The following PHF2 variants were observed in gnomAD, a reference collection of about 807,000 sequenced individuals.
PHF2 encodes lysine-specific demethylase PHF2.
Under a neutral mutation model 120.5 loss-of-function variants are expected in PHF2, and 27 were observed. That is an observed-to-expected ratio of 0.22 (90% CI 0.17 to 0.31). The LOEUF is 0.31. Ranked by LOEUF, PHF2 falls within the 10% of genes least tolerant of loss-of-function variation. PHF2 has a pLI of 1.00. For missense variants in PHF2, 1,024 were observed against 1,434.8 expected, an observed-to-expected ratio of 0.71 and a Z score of 4.63; for synonymous variants, 568 against 592.5, an observed-to-expected ratio of 0.96 and a Z score of 0.60.
At chr9:93,666,441 AG>A (rs1826682958) in intron 16 of PHF2, among the ~76,000 whole-genome samples, 1 of 152,188 alleles carries the variant, frequency 6.6e-6, no homozygotes, top group South Asian at 2.1e-4. Context: ...GTCTTGTGTA[AG>A]GGTTCCTTTG....
At chr9:93,623,745 G>A (rs546935473) in intron 1 of PHF2, among the ~76,000 whole-genome samples, 71 of 152,188 alleles carry the variant, frequency 4.7e-4, no homozygotes, top group Admixed American at 9.2e-4. Context: ...TCTTTGGAGT[G>A]TGTGGACTTG....
At chr9:93,596,913 C>T (rs1825343954) in intron 1 of PHF2, among the ~76,000 whole-genome samples, 1 of 148,852 alleles carries the variant, frequency 6.7e-6, no homozygotes, top group South Asian at 2.2e-4. Context: ...CACGCGCCAG[C>T]ACGCCCAGCT....
At chr9:93,666,971 TA>T (rs1227118470) in intron 16 of PHF2, 108 bp from the exon 17 acceptor site, 1 of 605,994 alleles carries the variant, frequency 1.7e-6, no homozygotes, top group South Asian at 7.4e-5. Context: ...ATAAAAATGT[TA>T]AAAAACTAGT....
chr9:93,594,700 CAT>C (rs1325336338), intron 1 of PHF2: 1 of 152,206 alleles, frequency 6.6e-6, no homozygotes, highest in Non-Finnish European at 1.5e-5. Context: ...GTGCCTAAAA[CAT>C]GTGGATTGCA....
chr9:93,586,709 G>A (rs1045390249), intron 1 of PHF2, among the ~76,000 whole-genome samples: 1 of 152,262 alleles, frequency 6.6e-6, no homozygotes, highest in South Asian at 2.1e-4. Flanking sequence ...TTGGTTCCTT[G>A]TTCATGAGCG....
At chr9:93,604,058 C>A (rs112136670) in intron 1 of PHF2, among the ~76,000 whole-genome samples, 1 of 152,172 alleles carries the variant, frequency 6.6e-6, no homozygotes, top group African/African-American at 2.4e-5. Flanking sequence ...CTGAGTTGGG[C>A]AGAGTCCCAG....
intron 1 of PHF2, among the ~76,000 whole-genome samples, chr9:93,590,555 T>C (rs1277235164): frequency 6.6e-6 from 1 of 152,256 alleles, no homozygotes; most frequent in Non-Finnish European, 1.5e-5. Flanking sequence ...AGGCCAAGCC[T>C]CATTTGCTTT....
Position 93,583,586 on chromosome 9 carries a change from T to TA in PHF2, c.98+6718dup, listed in dbSNP as rs397712920. ...CACTTGTTTTCCTAATTTTTTTTTT[T>TA]AAATTAAAGCTATTCTAGTGGGTAT... On this transcript the variant is annotated intron_variant, in intron 1 of 21. Coordinates refer to ENST00000359246, the MANE Select transcript of PHF2 (RefSeq NM_005392.4). 9.9e-5 allele frequency among the ~76,000 whole-genome samples: 15 copies of TA among 151,934 alleles called. 2 individuals carry two copies. Among genetic ancestry groups the TA allele is most frequent in the African/African-American group, 3.2e-4 (13 of 41,256 alleles).
chr9:93,666,780 A>G (rs972371272), intron 16 of PHF2, among the ~76,000 whole-genome samples: 13 of 152,062 alleles, frequency 8.5e-5, no homozygotes, highest in Non-Finnish European at 1.6e-4. Context: ...AATACAAAAA[A>G]TTAGCCGAGC....
At chr9:93,640,011 C>A (rs1325182325) in intron 3 of PHF2, among the ~76,000 whole-genome samples, 5 of 152,286 alleles carry the variant, frequency 3.3e-5, no homozygotes, top group African/African-American at 1.2e-4. Flanking sequence ...GGTCTTGGGA[C>A]CATTTCCAGA....
At chr9:93,640,448 T>A in intron 3 of PHF2, among the ~76,000 whole-genome samples, 1 of 152,054 alleles carries the variant, frequency 6.6e-6, no homozygotes, top group East Asian at 1.9e-4. Context: ...AACTTCAAGC[T>A]TACTGGTTCT....
rs1296534075 is a variant in PHF2 at position 93,663,205 on chromosome 9, G to A, written c.1818+179G>A. 2.0e-5 allele frequency among the ~76,000 whole-genome samples: 3 copies of A among 152,130 alleles called. No homozygotes were observed. In the East Asian group the frequency reaches 5.8e-4, roughly 29 times the overall value. The stretch of plus-strand genomic sequence containing the variant: ...TCTGAGGTGTGTGTGACCACCCATG[G>A]ACTACATCTTCCTCTGAGTTGGTTG... On this transcript the variant is annotated intron_variant, in intron 13 of 21. Transcript: ENST00000359246.
chr9:93,672,350 G>A (rs1826815767), intron 17 of PHF2: 1 of 974,010 alleles, frequency 1.0e-6, no homozygotes, highest in Non-Finnish European at 1.2e-6. Flanking sequence ...GGGTGTGGGA[G>A]TAGGGTCAGG....
At chr9:93,646,474 G>A (rs972916441) in intron 4 of PHF2, among the ~76,000 whole-genome samples, 5 of 152,352 alleles carry the variant, frequency 3.3e-5, no homozygotes, top group Middle Eastern at 3.4e-3. Context: ...ATGCCTGGGT[G>A]GCTGGCACGA....
At chr9:93,613,144 T>C (rs1825665337) in intron 1 of PHF2, among the ~76,000 whole-genome samples, 1 of 152,244 alleles carries the variant, frequency 6.6e-6, no homozygotes, top group African/African-American at 2.4e-5. Context: ...ACCTCCACAG[T>C]TCAGGTGGCT....
At chr9:93,604,381 C>A (rs1234458580) in intron 1 of PHF2, among the ~76,000 whole-genome samples, 4 of 145,316 alleles carry the variant, frequency 2.8e-5, no homozygotes, top group Non-Finnish European at 6.0e-5. Context: ...TCTTTATATT[C>A]GTAGAGGATT....
chr9:93,625,063 AT>A (rs1825891445), intron 1 of PHF2, among the ~76,000 whole-genome samples: 1 of 152,204 alleles, frequency 6.6e-6, no homozygotes, highest in South Asian at 2.1e-4. Context: ...CATTGCCTCT[AT>A]CTAGCTTCAA....
intron 17 of PHF2, among the ~76,000 whole-genome samples, chr9:93,670,189 G>T (rs780550326): frequency 6.6e-5 from 10 of 152,240 alleles, no homozygotes; most frequent in Admixed American, 2.6e-4. Context: ...AGCAGAGGGA[G>T]AGGACGGCAG....
rs553856923 is a variant in PHF2, at chr9:93,676,128, G to T, written c.2832+339G>T. ...TGTGGGTGTTTTTGAGTTGTCCTCA[G>T]TTGGGAAATGAGGTGTTCTGTCTCT... On this transcript the variant is annotated intron_variant, in intron 20 of 21. Transcript: ENST00000359246. Among the ~76,000 whole-genome samples, 4 of 152,254 alleles carry T rather than the reference G, an allele frequency of 2.6e-5. No individual in the cohort carries two copies. The South Asian group carries it at 8.3e-4, about 32-fold the overall frequency.
Sources: gnomAD v4.1 joint callset for allele counts (sites outside exome capture counted in the v4.1 genomes callset) on GRCh38, gnomAD v4.1.1 for gene constraint, MANE v1.5 for transcripts, NCBI Gene and HGNC (gene_info 2026-07-23, HGNC 2026-07-21) for gene names.